C15orf40: variants seen among roughly 807,000 people sequenced by gnomAD.
The protein encoded by C15orf40 is chromosome 15 open reading frame 40.
C15orf40 carries 9 observed loss-of-function variants against 13.9 expected under a neutral mutation model. The observed-to-expected ratio is 0.65, with a 90% CI of 0.39 to 1.13. The LOEUF (loss-of-function observed/expected upper bound fraction) is 1.13, where lower values mean the gene tolerates loss of function less well. Ranked by LOEUF, C15orf40 falls within the 50% of genes most tolerant of loss-of-function variation. The pLI, the probability that C15orf40 is intolerant of heterozygous loss-of-function variation, is 0.01. For synonymous variants in C15orf40, 95 were observed against 69.2 expected (o/e 1.37, Z -1.85); for missense variants, 225 against 188.5 (o/e 1.19, Z -1.13).
At chr15:82,991,319 C>A (rs548676417), downstream of C15orf40, among the ~76,000 whole-genome samples, 1 of 151,936 alleles carries the variant, frequency 6.6e-6, no homozygotes, top group Non-Finnish European at 1.5e-5. Flanking sequence ...AGGCTGTGGG[C>A]GGATCACTTG....
chr15:83,010,666 G>A lies in C15orf40; in HGVS notation c.112-303C>T, dbSNP rs2031956109. 3.6e-5 allele frequency: 10 copies of A among 275,450 alleles called. No individual in the cohort carries two copies. The South Asian group carries it at 4.6e-4, about 13-fold the overall frequency. The allele number at this position is 275,450 out of a possible 1,614,324, so 17.1% of individuals were successfully genotyped here. On this transcript the variant is annotated intron_variant, in intron 1 of 3. Transcript: ENST00000304177. ...TGTATTTCCAATTCCTTGGGGGCAG[G>A]GATCATTTATTATTCATCATTGTAT...
In C15orf40 at chr15:83,004,821, G is replaced by GTA; in HGVS notation, c.*775_*776insTA. ...ACAGGTTTTCTGTCACTTGTAAACT[G>GTA]GATTAGAAGGCAATCCCCAGAATTC... On this transcript the variant is annotated 3_prime_UTR_variant, in exon 4 of 4. Coordinates refer to ENST00000304177, the MANE Select transcript of C15orf40 (RefSeq NM_144597.3). 1 of 1,274,398 alleles carries GTA rather than the reference G, an allele frequency of 7.8e-7. No individual in the cohort carries two copies. Among genetic ancestry groups the GTA allele is most frequent in the Admixed American group, 2.4e-5 (1 of 41,366 alleles). The allele number at this position is 1,274,398 out of a possible 1,614,324, so 78.9% of individuals were successfully genotyped here.
rs965011381 is a variant in C15orf40, at chr15:83,001,902, TTC to T, written c.*3693_*3694del. Reference sequence around the variant, plus strand: ...CAGTAGTTTGTTTTGTTTTGTTTGTTTCTGTTTTTTTGTTGTTGTTATTGAGA... The same window carrying T: ...CAGTAGTTTGTTTTGTTTTGTTTGTTTGTTTTTTTGTTGTTGTTATTGAGA... On this transcript the variant is annotated 3_prime_UTR_variant, in exon 4 of 4. Coordinates refer to ENST00000304177, the MANE Select transcript of C15orf40 (RefSeq NM_144597.3). 2.7e-4 allele frequency: 41 copies of T among 152,478 alleles called. 1 individual carries two copies. The highest frequency in any genetic ancestry group is 9.6e-4 in the African/African-American group (40 of 41,544). The allele number at this position is 152,478 out of a possible 1,614,324, so 9.4% of individuals were successfully genotyped here. A position where few individuals can be genotyped will look rare whatever the true frequency, so the allele number is the denominator to read the frequency against.
rs1301642860 is a variant in C15orf40 at position 83,001,235 on chromosome 15, G to A, written c.*4362C>T. ...TCTGAAATCTCTGCTCCTGCCTCCA[G>A]GGCATAATGAGCCAGGCTGTTCTTT... On this transcript the variant is annotated 3_prime_UTR_variant, in exon 4 of 4. Coordinates refer to ENST00000304177, the MANE Select transcript of C15orf40 (RefSeq NM_144597.3). 1.2e-5 allele frequency: 12 copies of A among 985,342 alleles called. No homozygotes were observed. Among genetic ancestry groups the A allele is most frequent in the Non-Finnish European group, 1.3e-5 (11 of 829,956 alleles). The allele number at this position is 985,342 out of a possible 1,614,324, so 61.0% of individuals were successfully genotyped here.
At chr15:83,005,792 T>G in intron 3 of C15orf40, 100 bp from the exon 4 acceptor site, 1 of 1,428,798 alleles carries the variant, frequency 7.0e-7, no homozygotes. Context: ...CTGATGGCTT[T>G]CTCTTGGTTA....
At chr15:83,005,782 C>A in intron 3 of C15orf40, 90 bp from the exon 4 acceptor site, 1 of 1,450,884 alleles carries the variant, frequency 6.9e-7, no homozygotes, top group Non-Finnish European at 9.1e-7. Context: ...ATGGGCTCTC[C>A]TGATGGCTTT....
rs2031006251 is a variant in C15orf40 at position 82,995,227 on chromosome 15, C to T, written c.*10370G>A. ...GCACATTCTGGGAGAGAGAGTGGCC[C>T]TGGGCCAGGCTGGCTGCATGGGTCC... On this transcript the variant is annotated 3_prime_UTR_variant, in exon 4 of 4. Transcript: ENST00000304177. The T allele has an allele frequency of 6.6e-6, 1 of 152,166 alleles. No individual in the cohort carries two copies. Among genetic ancestry groups the T allele is most frequent in the African/African-American group, 2.4e-5 (1 of 41,346 alleles). The allele number at this position is 152,166 out of a possible 1,614,324, so 9.4% of individuals were successfully genotyped here.
chr15:83,005,844 C>G (rs2031649716), intron 3 of C15orf40, 152 bp from the exon 4 acceptor site: 1 of 1,221,500 alleles, frequency 8.2e-7, no homozygotes, highest in Non-Finnish European at 1.1e-6. Context: ...TTCTTCCTTA[C>G]TACCATTTGT....
downstream of C15orf40, among the ~76,000 whole-genome samples, chr15:82,989,467 T>TA (rs1400315787): frequency 1.3e-5 from 2 of 152,268 alleles, no homozygotes; most frequent in Non-Finnish European, 2.9e-5. Context: ...TTTAAAAACC[T>TA]AGAGTTTTCT....
At chr15:83,010,173 G>C in intron 2 of C15orf40, 64 bp downstream of exon 2, 1 of 1,594,052 alleles carries the variant, frequency 6.3e-7, no homozygotes, top group Non-Finnish European at 8.6e-7. Flanking sequence ...GCTAACCAAA[G>C]CAAAGGAGGG....
chr15:82,989,910 G>A, downstream of C15orf40: 1 of 1,612,508 alleles, frequency 6.2e-7, no homozygotes. Flanking sequence ...TTCAGAGGCA[G>A]GGACAACAGA....
In C15orf40 at chr15:83,005,138, C is replaced by A; in HGVS notation, c.*459G>T. On this transcript the variant is annotated 3_prime_UTR_variant, in exon 4 of 4. Coordinates refer to ENST00000304177, the MANE Select transcript of C15orf40 (RefSeq NM_144597.3). ...TTAGAACCTGATGCAATGTATAGCACTTTTTAAATTTCTACTTTTTGGAGT... is the reference window on the plus strand; with the variant it reads ...TTAGAACCTGATGCAATGTATAGCAATTTTTAAATTTCTACTTTTTGGAGT... 1 of 1,073,610 alleles carries A rather than the reference C, an allele frequency of 9.3e-7. No individual in the cohort carries two copies. The highest frequency in any genetic ancestry group is 4.9e-5 in the Admixed American group (1 of 20,552). The allele number at this position is 1,073,610 out of a possible 1,614,324, so 66.5% of individuals were successfully genotyped here.
At chr15:82,989,830 GT>G (rs772512462), downstream of C15orf40, 8 of 1,594,626 alleles carry the variant, frequency 5.0e-6, no homozygotes, top group South Asian at 2.2e-5. Flanking sequence ...TTTGTCATAT[GT>G]TTTTTTTAAC....
downstream of C15orf40, chr15:82,994,708 C>T (rs1255717619): frequency 2.0e-5 from 3 of 152,066 alleles, no homozygotes; most frequent in Non-Finnish European, 2.9e-5. Flanking sequence ...ATTTTTCTTT[C>T]AGTATCTTGC....
chr15:82,991,821 G>T, downstream of C15orf40: 1 of 1,169,976 alleles, frequency 8.5e-7, no homozygotes, highest in Non-Finnish European at 1.1e-6. Flanking sequence ...AGAAGCCAGT[G>T]CTGTTATATA....
rs148497559 is a variant in C15orf40, at chr15:83,001,182, G to A, written c.*4415C>T. ...TGTCCCTCCCCTAACCGAGAGGAAA[G>A]TGTGGAATGGCTCACAGAAATCAGA... On this transcript the variant is annotated 3_prime_UTR_variant, in exon 4 of 4. Coordinates refer to ENST00000304177, the MANE Select transcript of C15orf40 (RefSeq NM_144597.3). 425 of 985,470 alleles carry A rather than the reference G, an allele frequency of 4.3e-4. 12 individuals carry two copies. The East Asian group carries it at 0.026, about 60-fold the overall frequency. The allele number at this position is 985,470 out of a possible 1,614,324, so 61.0% of individuals were successfully genotyped here.
Position 83,010,235 on chromosome 15 carries a change from AC to A in C15orf40, c.238+1del. 1 of 1,614,160 alleles carries A rather than the reference AC, an allele frequency of 6.2e-7. No individual in the cohort carries two copies. Among genetic ancestry groups the A allele is most frequent in the Non-Finnish European group, 8.5e-7 (1 of 1,180,010 alleles). ...GAATCCCACCCCAGTGTCCAGGTATACCTGTTACAGCATTTTGTTTGGAGCC... is the reference window on the plus strand; with the variant it reads ...GAATCCCACCCCAGTGTCCAGGTATACTGTTACAGCATTTTGTTTGGAGCC... On this transcript the variant is annotated splice_donor_variant, in intron 2 of 3. Transcript: ENST00000304177. LOFTEE classifies it high-confidence loss of function.
Position 83,001,057 on chromosome 15 carries a change from C to T in C15orf40, c.*4540G>A. 1 of 953,392 alleles carries T rather than the reference C, an allele frequency of 1.0e-6. No homozygotes were observed. Among genetic ancestry groups the T allele is most frequent in the Non-Finnish European group, 1.2e-6 (1 of 800,604 alleles). 59.1% of individuals were successfully genotyped at this position (953,392 alleles called of 1,614,324 possible). A position where few individuals can be genotyped will look rare whatever the true frequency, so the allele number is the denominator to read the frequency against. ...TAAACTCCTGACTTCAAGTGATCCA[C>T]CCGCCTCAGCCTCCCAAAGTGCTGG... On this transcript the variant is annotated 3_prime_UTR_variant, in exon 4 of 4. Coordinates refer to ENST00000304177, the MANE Select transcript of C15orf40 (RefSeq NM_144597.3).
downstream of C15orf40, among the ~76,000 whole-genome samples, chr15:82,989,567 C>G (rs1365648646): frequency 6.6e-6 from 1 of 152,094 alleles, no homozygotes. Flanking sequence ...CTTAATAATT[C>G]AAAATAGTCA....
Sources: allele counts gnomAD v4.1 joint callset (sites outside exome capture counted in the v4.1 genomes callset), GRCh38; gene constraint gnomAD v4.1.1; transcripts MANE v1.5; gene names NCBI Gene and HGNC (gene_info 2026-07-23, HGNC 2026-07-21).